The following NOL4 variants were observed in gnomAD, a reference collection of about 807,000 sequenced individuals.
NOL4 encodes the protein nucleolar protein 4.
In NOL4, 17 loss-of-function variants were observed where a neutral mutation model predicts 75.9. That is an observed-to-expected ratio of 0.22 (90% CI 0.15 to 0.34). NOL4 has a LOEUF of 0.34. Among genes scored for constraint, NOL4 ranks in the 10% least tolerant of loss-of-function variants. NOL4 has a pLI of 1.00. For synonymous variants in NOL4, 292 were observed against 289.9 expected (o/e 1.01, Z -0.07); for missense variants, 614 against 793.5 (o/e 0.77, Z 2.72).
chr18:34,190,464 A>G (rs2034832193), intron 1 of NOL4, among the ~76,000 whole-genome samples: 1 of 151,998 alleles, frequency 6.6e-6, no homozygotes, highest in Non-Finnish European at 1.5e-5. Context: ...TATTATGTTT[A>G]TATATTCAAA....
At chr18:34,202,356 T>C (rs563849152) in intron 1 of NOL4, among the ~76,000 whole-genome samples, 14 of 152,102 alleles carry the variant, frequency 9.2e-5, no homozygotes, top group Admixed American at 5.9e-4. Context: ...ATCTACATGA[T>C]TTACTGTAAT....
intron 5 of NOL4, among the ~76,000 whole-genome samples, chr18:34,088,783 C>A (rs999437058): frequency 6.6e-6 from 1 of 151,896 alleles, no homozygotes; most frequent in African/African-American, 2.4e-5. Flanking sequence ...ACTTTTTATG[C>A]GAAGATTCAG....
At chr18:34,125,288 A>G (rs1366925855) in intron 2 of NOL4, among the ~76,000 whole-genome samples, 1 of 152,184 alleles carries the variant, frequency 6.6e-6, no homozygotes, top group East Asian at 1.9e-4. Flanking sequence ...CAATACTGTT[A>G]AGATCTGCAA....
chr18:33,995,482 GAAT>G (rs1479746441), intron 6 of NOL4, among the ~76,000 whole-genome samples: 9 of 151,388 alleles, frequency 5.9e-5, no homozygotes, highest in Admixed American at 2.0e-4. Context: ...CATATCAACA[GAAT>G]AAAAATATTG....
chr18:33,943,962 T>C (rs1369913548), intron 8 of NOL4, among the ~76,000 whole-genome samples: 1 of 151,912 alleles, frequency 6.6e-6, no homozygotes, highest in African/African-American at 2.4e-5. Context: ...AAAATTATGA[T>C]TTTCATTCTT....
intron 6 of NOL4, among the ~76,000 whole-genome samples, chr18:34,005,127 T>C (rs1198730952): frequency 3.9e-5 from 6 of 152,138 alleles, no homozygotes; most frequent in Admixed American, 3.9e-4. Context: ...CTAATATAAA[T>C]GCAATGAATC....
chr18:34,093,441 A>T (rs2078621435), intron 5 of NOL4, 24 bp downstream of exon 5: 1 of 1,545,290 alleles, frequency 6.5e-7, no homozygotes, highest in Admixed American at 2.0e-5. Flanking sequence ...TGTTTTGCTT[A>T]TTTAGTCAAA....
chr18:33,933,244 C>T (rs2067823526), intron 9 of NOL4, among the ~76,000 whole-genome samples: 1 of 152,094 alleles, frequency 6.6e-6, no homozygotes, highest in Non-Finnish European at 1.5e-5. Flanking sequence ...CAACATAAAA[C>T]CGTTATTGCT....
At position 34,224,000 on chromosome 18, in the gene NOL4, A is replaced by AT. The variant is rs1306731987; in HGVS notation, c.-748dup. 1 of 152,244 alleles carries AT rather than the reference A, an allele frequency of 6.6e-6. No individual in the cohort carries two copies. Among genetic ancestry groups the AT allele is most frequent in the Admixed American group, 6.5e-5 (1 of 15,288 alleles). 9.4% of individuals were successfully genotyped at this position (152,244 alleles called of 1,614,324 possible). On this transcript the variant is annotated 5_prime_UTR_variant, in exon 1 of 11. The change creates a new upstream start codon in the 5' untranslated region. Coordinates refer to ENST00000261592, the MANE Select transcript of NOL4 (RefSeq NM_003787.5). The stretch of plus-strand genomic sequence containing the variant: ...TTTAAAATGTCATTTCTTCAGATGC[A>AT]TTTTGAATAAATTCCAGCCCTGTAT...
chr18:33,926,669 C>T (rs2067352108), intron 9 of NOL4, among the ~76,000 whole-genome samples: 1 of 151,610 alleles, frequency 6.6e-6, no homozygotes, highest in Non-Finnish European at 1.5e-5. Flanking sequence ...GGTGTGATCT[C>T]GGCTCACTGC....
In NOL4 at chr18:33,958,275, T is replaced by C. The variant is rs375368755; in HGVS notation, c.1200A>G (p.Thr400=). 7 of 1,613,808 alleles carry C rather than the reference T, an allele frequency of 4.3e-6. No individual in the cohort carries two copies. The highest frequency in any genetic ancestry group is 5.1e-6 in the Non-Finnish European group (6 of 1,179,752). ...DHDDSEKVNE[T]DGVEAERLKA... ...TCAGCCGCTCGGCTTCAACGCCGTC[T>C]GTCTCATTAACTTTCTCCGAATCGT... Residue 400 remains threonine (T), a synonymous_variant, in exon 7 of 11, where the codon ACA becomes ACG. Transcript: ENST00000261592.
At chr18:34,217,243 A>T (rs2036956824) in intron 1 of NOL4, among the ~76,000 whole-genome samples, 1 of 152,196 alleles carries the variant, frequency 6.6e-6, no homozygotes, top group Non-Finnish European at 1.5e-5. Flanking sequence ...ACATATGTAC[A>T]TAAATACATA....
At chr18:34,091,195 CAA>C (rs56398038) in intron 5 of NOL4, among the ~76,000 whole-genome samples, 26,842 of 122,650 alleles carry the variant, frequency 0.22, 2,749 homozygotes, top group Middle Eastern at 0.3. Context: ...ACTAAAAATA[CAA>C]AAAAAAAAAA....
intron 2 of NOL4, among the ~76,000 whole-genome samples, chr18:34,107,954 A>G (rs901571393): frequency 1.3e-5 from 2 of 152,138 alleles, no homozygotes; most frequent in Non-Finnish European, 2.9e-5. Context: ...GTTTCACATT[A>G]TATATGTCAA....
chr18:34,062,440 G>A (rs1360863575), intron 5 of NOL4, among the ~76,000 whole-genome samples: 1 of 151,946 alleles, frequency 6.6e-6, no homozygotes. Context: ...TTCACCTAAG[G>A]GACAAGGAGG....
At chr18:34,211,291 A>T (rs1864590344) in intron 1 of NOL4, among the ~76,000 whole-genome samples, 1 of 152,240 alleles carries the variant, frequency 6.6e-6, no homozygotes, top group South Asian at 2.1e-4. Context: ...CAGAGGAAAA[A>T]TGAGCAACAA....
intron 1 of NOL4, among the ~76,000 whole-genome samples, chr18:34,162,756 C>T (rs1307777245): frequency 1.3e-5 from 2 of 152,166 alleles, no homozygotes; most frequent in East Asian, 1.9e-4. Context: ...CCAGCATCAT[C>T]CTGATACCAA....
intron 10 of NOL4, among the ~76,000 whole-genome samples, chr18:33,875,800 CCTTA>C (rs1375566860): frequency 6.6e-6 from 1 of 151,946 alleles, no homozygotes; most frequent in African/African-American, 2.4e-5. Context: ...ATATGTCTGA[CCTTA>C]CTTAGAGGGA....
intron 8 of NOL4, among the ~76,000 whole-genome samples, chr18:33,955,118 T>C (rs1186142056): frequency 6.6e-6 from 1 of 152,098 alleles, no homozygotes; most frequent in Non-Finnish European, 1.5e-5. Context: ...GTTATACTCA[T>C]GTTGCGTGAA....
Sources: allele counts gnomAD v4.1 joint callset (sites outside exome capture counted in the v4.1 genomes callset), GRCh38; gene constraint gnomAD v4.1.1; transcripts MANE v1.5; gene names NCBI Gene and HGNC (gene_info 2026-07-23, HGNC 2026-07-21).